Variants in ZNF385D observed in about 807,000 individuals in gnomAD.
ZNF385D encodes zinc finger protein 385D.
In ZNF385D, 15 loss-of-function variants were observed where a neutral mutation model predicts 35.8. That is an observed-to-expected ratio of 0.42 (90% CI 0.28 to 0.64). The LOEUF (loss-of-function observed/expected upper bound fraction) is 0.64, where lower values mean the gene tolerates loss of function less well. ZNF385D is among the 30% of genes least tolerant of loss of function. The pLI is 0.23. For synonymous variants in ZNF385D, 212 were observed against 186.8 expected, an observed-to-expected ratio of 1.13 and a Z score of -1.10; for missense variants, 474 against 494.6, an observed-to-expected ratio of 0.96 and a Z score of 0.39.
At chr3:21,502,818 C>G (rs1183163846) in intron 4 of ZNF385D, among the ~76,000 whole-genome samples, 1 of 152,176 alleles carries the variant, frequency 6.6e-6, no homozygotes, top group Non-Finnish European at 1.5e-5. Flanking sequence ...TTTGACCAAT[C>G]TGAAGCATGT....
chr3:21,905,302 T>G (rs1699624572), intron 3 of ZNF385D, among the ~76,000 whole-genome samples: 1 of 151,868 alleles, frequency 6.6e-6, no homozygotes, highest in Non-Finnish European at 1.5e-5. Flanking sequence ...AGCTGTCACT[T>G]TGTATGCATA....
chr3:22,322,514 C>T (rs541925616), intron 2 of ZNF385D, among the ~76,000 whole-genome samples: 4 of 152,150 alleles, frequency 2.6e-5, no homozygotes, highest in Admixed American at 2.6e-4. Flanking sequence ...CCCCCTTAGA[C>T]ATCAAGAATT....
At chr3:22,103,212 C>G (rs1052643888) in intron 3 of ZNF385D, among the ~76,000 whole-genome samples, 1 of 54,806 alleles carries the variant, frequency 1.8e-5, no homozygotes. Flanking sequence ...AGCCCTGGGG[C>G]CATTTTTTTT....
chr3:21,800,301 G>C (rs537444030), intron 3 of ZNF385D, among the ~76,000 whole-genome samples: 1 of 152,282 alleles, frequency 6.6e-6, no homozygotes, highest in African/African-American at 2.4e-5. Flanking sequence ...GCTTTTGATA[G>C]GGATGGCATT....
chr3:22,159,399 T>G (rs1034746589), intron 3 of ZNF385D, among the ~76,000 whole-genome samples: 2 of 151,956 alleles, frequency 1.3e-5, no homozygotes, highest in South Asian at 4.1e-4. Context: ...TAGAGTATAC[T>G]TCATCTTGGA....
chr3:21,543,866 C>T (rs1251243741), intron 3 of ZNF385D, among the ~76,000 whole-genome samples: 3 of 152,154 alleles, frequency 2.0e-5, no homozygotes, highest in South Asian at 4.1e-4. Context: ...ATCCTGAGGG[C>T]ATGGCTTGTA....
chr3:21,931,871 G>T (rs899329634), intron 3 of ZNF385D, among the ~76,000 whole-genome samples: 3 of 152,072 alleles, frequency 2.0e-5, no homozygotes, highest in Admixed American at 6.6e-5. Flanking sequence ...GTTAAGAAGT[G>T]TGACTTGAGG....
At chr3:22,261,092 TATCCATCCATCCATCC>T (rs151146640) in intron 2 of ZNF385D, among the ~76,000 whole-genome samples, 6 of 150,564 alleles carry the variant, frequency 4.0e-5, no homozygotes, top group African/African-American at 9.8e-5. Flanking sequence ...TACAACTATC[TATCCATCCATCCATCC>T]ATCCATCCAT....
intron 3 of ZNF385D, among the ~76,000 whole-genome samples, chr3:21,964,470 A>ATTTTTTTTTTTTT (rs377650103): frequency 1.5e-5 from 1 of 68,146 alleles, no homozygotes; most frequent in African/African-American, 6.1e-5. Context: ...AATTTCTCAG[A>ATTTTTTTTTTTTT]TTTTTTTTTT....
intron 2 of ZNF385D, among the ~76,000 whole-genome samples, chr3:22,364,592 G>T (rs1304706755): frequency 6.6e-6 from 1 of 151,960 alleles, no homozygotes; most frequent in African/African-American, 2.4e-5. Context: ...AAAAAAAATA[G>T]AAAATATGCA....
intron 3 of ZNF385D, among the ~76,000 whole-genome samples, chr3:21,827,468 T>G (rs376278171): frequency 2.0e-5 from 3 of 152,208 alleles, no homozygotes; most frequent in Non-Finnish European, 4.4e-5. Context: ...CAATTGACAC[T>G]TGTGGACAAG....
At chr3:22,096,097 G>A (rs1312680000) in intron 3 of ZNF385D, among the ~76,000 whole-genome samples, 2 of 151,512 alleles carry the variant, frequency 1.3e-5, no homozygotes, top group Non-Finnish European at 2.9e-5. Flanking sequence ...AGACTAAATT[G>A]AGAACGGAAT....
At chr3:22,075,881 G>A (rs560347781) in intron 3 of ZNF385D, among the ~76,000 whole-genome samples, 40 of 151,846 alleles carry the variant, frequency 2.6e-4, no homozygotes, top group African/African-American at 9.4e-4. Context: ...CCCAAACTTC[G>A]TAAATACCAT....
intron 3 of ZNF385D, among the ~76,000 whole-genome samples, chr3:21,944,771 A>G (rs952171597): frequency 2.6e-5 from 4 of 152,110 alleles, no homozygotes; most frequent in African/African-American, 9.7e-5. Flanking sequence ...AATTAAGATT[A>G]TTATTTTATA....
chr3:21,756,003 C>A (rs1190834252), upstream of ZNF385D, among the ~76,000 whole-genome samples: 2 of 152,184 alleles, frequency 1.3e-5, no homozygotes, highest in East Asian at 3.9e-4. Context: ...TTCAGTAGAA[C>A]TTTTTAGGCC....
At position 21,765,204 on chromosome 3, in the gene ZNF385D, CTGTG is replaced by C. The variant is rs552075719; in HGVS notation, c.326-100180_326-100177del. Among the ~76,000 whole-genome samples the C allele has an allele frequency of 2.6e-4, 39 of 150,444 alleles. No homozygotes were observed. The East Asian group carries it at 4.5e-3, about 17-fold the overall frequency. On this transcript the variant is annotated intron_variant, in intron 3 of 5. Transcript: ENST00000494108. The stretch of plus-strand genomic sequence containing the variant: ...TATAATCTCCTCATACACATAAAAT[CTGTG>C]TGTGTGTGTGAGAGAGAGAGAGAGA...
At chr3:21,772,571 AGAG>A (rs1326029053) in intron 3 of ZNF385D, among the ~76,000 whole-genome samples, 2 of 151,966 alleles carry the variant, frequency 1.3e-5, no homozygotes, top group Non-Finnish European at 2.9e-5. Context: ...GTATTGATGA[AGAG>A]GAGGAGAAAT....
intron 3 of ZNF385D, among the ~76,000 whole-genome samples, chr3:22,113,219 C>A (rs1443193814): frequency 6.6e-6 from 1 of 152,044 alleles, no homozygotes; most frequent in Admixed American, 6.6e-5. Context: ...CTATTTGCTA[C>A]TCCTGAATTG....
intron 2 of ZNF385D, among the ~76,000 whole-genome samples, chr3:22,286,731 T>C (rs1173319648): frequency 6.6e-6 from 1 of 152,154 alleles, no homozygotes; most frequent in East Asian, 1.9e-4. Flanking sequence ...TCTAGTTTTG[T>C]TGCATTTTGG....
Sources: allele counts gnomAD v4.1 joint callset (sites outside exome capture counted in the v4.1 genomes callset), GRCh38; gene constraint gnomAD v4.1.1; transcripts MANE v1.5; gene names NCBI Gene and HGNC (gene_info 2026-07-23, HGNC 2026-07-21).